Variants in MLF1 observed in about 807,000 individuals in gnomAD.
MLF1 encodes the protein myelodysplasia-myeloid leukemia factor 1.
In MLF1, 37 loss-of-function variants were observed where a neutral mutation model predicts 38.3. The observed-to-expected ratio is 0.96, with a 90% confidence interval of 0.74 to 1.27. The LOEUF (loss-of-function observed/expected upper bound fraction) is 1.27. Ranked by LOEUF, MLF1 falls within the 50% of genes most tolerant of loss-of-function variation. The pLI, the probability that MLF1 is intolerant of heterozygous loss-of-function variation, is 0.00. For missense variants in MLF1, 331 were observed against 349.2 expected, an observed-to-expected ratio of 0.95 and a Z score of 0.42; for synonymous variants, 95 against 106.5, an observed-to-expected ratio of 0.89 and a Z score of 0.66.
intron 1 of MLF1, among the ~76,000 whole-genome samples, chr3:158,573,767 A>T (rs1225422709): frequency 2.0e-5 from 3 of 151,996 alleles, no homozygotes; most frequent in Non-Finnish European, 4.4e-5. Flanking sequence ...TTTATTGCAC[A>T]TATTTTTCAA....
intron 1 of MLF1, among the ~76,000 whole-genome samples, chr3:158,572,912 C>T (rs1050691978): frequency 4.0e-5 from 6 of 151,494 alleles, no homozygotes; most frequent in Admixed American, 6.6e-5. Context: ...CTCACACTCC[C>T]GGGGTGCCTG....
intron 1 of MLF1, among the ~76,000 whole-genome samples, chr3:158,577,668 G>T (rs966966040): frequency 2.6e-5 from 4 of 152,096 alleles, no homozygotes; most frequent in African/African-American, 9.7e-5. Flanking sequence ...GATTTCTAAG[G>T]TATACTATTC....
intron 7 of MLF1, among the ~76,000 whole-genome samples, chr3:158,603,922 G>T (rs1347976128): frequency 6.6e-6 from 1 of 152,004 alleles, no homozygotes. Flanking sequence ...GTTCTCAGAG[G>T]AATAAATGGA....
At chr3:158,595,903 G>A (rs1718806060) in intron 3 of MLF1, among the ~76,000 whole-genome samples, 1 of 152,164 alleles carries the variant, frequency 6.6e-6, no homozygotes, top group South Asian at 2.1e-4. Flanking sequence ...ACATTGGAAT[G>A]TGTGCCTGAC....
Position 158,605,464 on chromosome 3 carries a change from G to A in MLF1, c.*262G>A, listed in dbSNP as rs1720398669. The A allele has an allele frequency of 3.6e-6, 1 of 275,758 alleles. No homozygotes were observed. Among genetic ancestry groups the A allele is most frequent in the African/African-American group, 2.2e-5 (1 of 46,180 alleles). 17.1% of individuals were successfully genotyped at this position (275,758 alleles called of 1,614,324 possible). A position where few individuals can be genotyped will look rare whatever the true frequency, so the allele number is the denominator to read the frequency against. ...CATACTAATTTTTTAAAGCTTATATGCTTATTTCGCTTCCCCAGTTGTTTT... is the reference window on the plus strand; with the variant it reads ...CATACTAATTTTTTAAAGCTTATATACTTATTTCGCTTCCCCAGTTGTTTT... On this transcript the variant is annotated 3_prime_UTR_variant, in exon 8 of 8. Coordinates refer to ENST00000466246, the MANE Select transcript of MLF1 (RefSeq NM_001369783.1).
Position 158,605,534 on chromosome 3 carries a change from G to C in MLF1, c.*332G>C. The C allele has an allele frequency of 4.4e-6, 1 of 228,376 alleles. No individual in the cohort carries two copies. The highest frequency in any genetic ancestry group is 8.7e-6 in the Non-Finnish European group (1 of 115,146). The allele number at this position is 228,376 out of a possible 1,614,324, so 14.1% of individuals were successfully genotyped here. A position where few individuals can be genotyped will look rare whatever the true frequency, so the allele number is the denominator to read the frequency against. ...TTTATATTTATCAAGATTGATTGCA[G>C]AGCAGTTCTATCACTTATAATTAGT... is the stretch of plus-strand genomic sequence containing the variant. On this transcript the variant is annotated 3_prime_UTR_variant, in exon 8 of 8. Transcript: ENST00000466246.
chr3:158,599,213 C>T (rs531559999), intron 5 of MLF1, among the ~76,000 whole-genome samples: 5 of 152,210 alleles, frequency 3.3e-5, no homozygotes. Context: ...ATACATGGCT[C>T]CTTATACAGA....
intron 1 of MLF1, among the ~76,000 whole-genome samples, chr3:158,578,598 T>C (rs542626816): frequency 2.0e-5 from 3 of 151,938 alleles, no homozygotes; most frequent in Non-Finnish European, 4.4e-5. Flanking sequence ...ATAAACACTT[T>C]TGAAGGGGAA....
chr3:158,597,294 TCTATTGAAAGTCA>T (rs1166059206), intron 4 of MLF1, among the ~76,000 whole-genome samples: 2 of 152,110 alleles, frequency 1.3e-5, no homozygotes, highest in African/African-American at 4.8e-5. Flanking sequence ...AAACATTGAT[TCTATTGAAAGTCA>T]CTATTGTAAA....
intron 6 of MLF1, 49 bp from the exon 7 acceptor site, chr3:158,602,748 GCAGTTACTGA>G (rs1487513784): frequency 1.3e-6 from 2 of 1,535,664 alleles, no homozygotes; most frequent in Non-Finnish European, 1.8e-6. Context: ...TGGGAGCAAG[GCAGTTACTGA>G]CAGTTGATAC....
chr3:158,582,605 T>C, intron 1 of MLF1: 1 of 326,068 alleles, frequency 3.1e-6, no homozygotes, highest in Admixed American at 4.9e-5. Flanking sequence ...AGAGGGGGAA[T>C]AAAAACCTGT....
chr3:158,600,096 C>T lies in MLF1; in HGVS notation c.536C>T (p.Ala179Val), dbSNP rs774497292. 6.7e-7 allele frequency: 1 copy of T among 1,483,544 alleles called. No individual in the cohort carries two copies. Among genetic ancestry groups the T allele is most frequent in the Non-Finnish European group, 9.0e-7 (1 of 1,108,186 alleles). The allele number at this position is 1,483,544 out of a possible 1,614,324, so 91.9% of individuals were successfully genotyped here. The part of the protein sequence containing the change: ...MAIGHHIHDR[A>V]HVIKKSKNKK... ...ATTGGTCATCATATCCATGACCGAGCTCATGTCATTAAAAAGTCAAAGAAC... is the reference window on the plus strand; with the variant it reads ...ATTGGTCATCATATCCATGACCGAGTTCATGTCATTAAAAAGTCAAAGAAC... Residue 179 changes from alanine (A) to valine (V), a missense_variant, in exon 6 of 8, where the codon GCT becomes GTT. Coordinates refer to ENST00000466246, the MANE Select transcript of MLF1 (RefSeq NM_001369783.1).
At chr3:158,581,811 G>C (rs2108574735) in intron 1 of MLF1, among the ~76,000 whole-genome samples, 1 of 152,332 alleles carries the variant, frequency 6.6e-6, no homozygotes, top group Non-Finnish European at 1.5e-5. Flanking sequence ...AATGGGAAAA[G>C]CAGACAACGT....
At chr3:158,598,306 A>AATTT in intron 5 of MLF1, 98 bp downstream of exon 5, 1 of 560,426 alleles carries the variant, frequency 1.8e-6, no homozygotes, top group Non-Finnish European at 2.8e-6. Context: ...CTGGTACAAG[A>AATTT]TGGTGGGGGG....
At chr3:158,593,739 C>A (rs1349565985) in intron 3 of MLF1, among the ~76,000 whole-genome samples, 1 of 152,202 alleles carries the variant, frequency 6.6e-6, no homozygotes, top group African/African-American at 2.4e-5. Flanking sequence ...CTTCCACATG[C>A]TTATGATTAC....
chr3:158,603,825 C>G (rs1720137762), intron 7 of MLF1, among the ~76,000 whole-genome samples: 1 of 152,054 alleles, frequency 6.6e-6, no homozygotes, highest in African/African-American at 2.4e-5. Flanking sequence ...AGTGACAGAG[C>G]AAGACTCCAT....
At chr3:158,582,315 GA>G (rs111461599) in intron 1 of MLF1, among the ~76,000 whole-genome samples, 49,510 of 149,500 alleles carry the variant, frequency 0.33, 8,261 homozygotes, top group South Asian at 0.37. Context: ...AAAAAGACTG[GA>G]AAAAAAAAAC....
At chr3:158,591,156 T>C in intron 1 of MLF1, 1 of 466,118 alleles carries the variant, frequency 2.1e-6, no homozygotes, top group Non-Finnish European at 4.2e-6. Flanking sequence ...GCAAGGAAAA[T>C]TTCTTTTTTT....
intron 3 of MLF1, among the ~76,000 whole-genome samples, chr3:158,595,291 A>G (rs886733803): frequency 2.0e-5 from 3 of 152,138 alleles, no homozygotes; most frequent in Non-Finnish European, 4.4e-5. Flanking sequence ...GAAACATTTA[A>G]GGAAGAAAGA....
Sources: gnomAD v4.1 joint callset for allele counts (sites outside exome capture counted in the v4.1 genomes callset) on GRCh38, gnomAD v4.1.1 for gene constraint, MANE v1.5 for transcripts, NCBI Gene and HGNC (gene_info 2026-07-23, HGNC 2026-07-21) for gene names.